The following MAN1A1 variants were observed in gnomAD, a reference collection of about 807,000 sequenced individuals.
The protein encoded by MAN1A1 is mannosidase alpha class 1A member 1.
Under a neutral mutation model 70.8 loss-of-function variants are expected in MAN1A1, and 29 were observed. The observed-to-expected ratio is 0.41, with a 90% CI of 0.31 to 0.56. The LOEUF (loss-of-function observed/expected upper bound fraction) is 0.56, where lower values mean the gene tolerates loss of function less well. Among genes scored for constraint, MAN1A1 ranks in the 20% least tolerant of loss-of-function variants. MAN1A1 has a pLI of 0.29. For synonymous variants in MAN1A1, 349 were observed against 330.1 expected (o/e 1.06, Z -0.62); for missense variants, 747 against 841.3 (o/e 0.89, Z 1.39).
intron 4 of MAN1A1, among the ~76,000 whole-genome samples, chr6:119,300,358 C>T (rs1396685696): frequency 2.0e-5 from 3 of 151,792 alleles, no homozygotes; most frequent in Non-Finnish European, 2.9e-5. Context: ...TGGGTTCAAG[C>T]GATCCTCCTG....
At chr6:119,202,896 T>C (rs1400683028) in intron 7 of MAN1A1, among the ~76,000 whole-genome samples, 1 of 152,186 alleles carries the variant, frequency 6.6e-6, no homozygotes, top group East Asian at 1.9e-4. Context: ...AGTGTGATTG[T>C]ATTTGGAGAT....
At chr6:119,330,791 G>T (rs572862513) in intron 2 of MAN1A1, among the ~76,000 whole-genome samples, 1 of 151,956 alleles carries the variant, frequency 6.6e-6, no homozygotes, top group Non-Finnish European at 1.5e-5. Context: ...GCCTGCAACC[G>T]GCTAATTCCC....
intron 2 of MAN1A1, among the ~76,000 whole-genome samples, chr6:119,309,910 T>C (rs1329630451): frequency 6.6e-6 from 1 of 152,212 alleles, no homozygotes; most frequent in Non-Finnish European, 1.5e-5. Context: ...TCAGGGCTCA[T>C]TAATTAGGCC....
rs1391451697 is a variant in MAN1A1 at position 119,206,006 on chromosome 6, A to G, written c.993-1124T>C. On this transcript the variant is annotated intron_variant, in intron 6 of 12. Coordinates refer to ENST00000368468, the MANE Select transcript of MAN1A1 (RefSeq NM_005907.4). Reference sequence around the variant, plus strand: ...TTCTCTGAGCATCTAAAGCTGGGACACACAATCCAGCGTAGTGGGGATGGA... The same window carrying G: ...TTCTCTGAGCATCTAAAGCTGGGACGCACAATCCAGCGTAGTGGGGATGGA... Among the ~76,000 whole-genome samples the G allele has an allele frequency of 2.6e-5, 4 of 152,234 alleles. No homozygotes were observed. In the East Asian group the frequency reaches 7.7e-4, roughly 29 times the overall value.
intron 5 of MAN1A1, 116 bp downstream of exon 5, chr6:119,290,567 G>C: frequency 1.5e-6 from 1 of 686,538 alleles, no homozygotes; most frequent in Admixed American, 2.9e-5. Flanking sequence ...CAGCTTCATT[G>C]AAATATAAAA....
At chr6:119,327,010 A>G (rs747495732) in intron 2 of MAN1A1, among the ~76,000 whole-genome samples, 3 of 152,160 alleles carry the variant, frequency 2.0e-5, no homozygotes, top group Non-Finnish European at 2.9e-5. Context: ...CCTACCCCAA[A>G]TATTTCCATG....
chr6:119,228,672 C>CT (rs1207577781), intron 6 of MAN1A1, among the ~76,000 whole-genome samples: 1 of 151,054 alleles, frequency 6.6e-6, no homozygotes, highest in Non-Finnish European at 1.5e-5. Flanking sequence ...ATCTGAAGAA[C>CT]TTAAAAAAAC....
intron 5 of MAN1A1, among the ~76,000 whole-genome samples, chr6:119,271,174 T>G (rs1439550844): frequency 2.0e-5 from 3 of 152,198 alleles, no homozygotes; most frequent in Non-Finnish European, 4.4e-5. Context: ...GTTAAGAAGT[T>G]TTGAGTTACA....
At chr6:119,199,729 C>A (rs1178575150) in intron 8 of MAN1A1, among the ~76,000 whole-genome samples, 3 of 147,950 alleles carry the variant, frequency 2.0e-5, no homozygotes, top group Admixed American at 6.8e-5. Context: ...AAATATGAGA[C>A]CTTCTCTCTA....
chr6:119,212,626 T>C lies in MAN1A1; in HGVS notation c.993-7744A>G, dbSNP rs561849839. On this transcript the variant is annotated intron_variant, in intron 6 of 12. Coordinates refer to ENST00000368468, the MANE Select transcript of MAN1A1 (RefSeq NM_005907.4). ...GGGTCTCAATTGCAACTCAATTAAA[T>C]TTTGTTCTGGCAGCTGAGTAGAGGA... Among the ~76,000 whole-genome samples, 7 of 152,324 alleles carry C rather than the reference T, an allele frequency of 4.6e-5. No homozygotes were observed. In the South Asian group the frequency reaches 1.2e-3, roughly 27 times the overall value.
At position 119,257,377 on chromosome 6, in the gene MAN1A1, C is replaced by T. The variant is rs75153476; in HGVS notation, c.898-9023G>A. 6.0e-3 allele frequency among the ~76,000 whole-genome samples: 914 copies of T among 152,158 alleles called. 30 individuals carry two copies. In the East Asian group the frequency reaches 0.091, roughly 15 times the overall value. ...AGGAAGTCCTAACACTACTTTAGTG[C>T]CTCCCATTTATGGTAAGTGGAGAGA... On this transcript the variant is annotated intron_variant, in intron 5 of 12. Coordinates refer to ENST00000368468, the MANE Select transcript of MAN1A1 (RefSeq NM_005907.4).
chr6:119,349,532 G>A lies in MAN1A1; in HGVS notation c.-223+10C>T. ...GCAGCGCGCGAGCACCTCGGGGAGG[G>A]GCAGCGCACCTCTGGGCAGGAGGGG... On this transcript the variant is annotated intron_variant, in intron 1 of 12. Transcript: ENST00000368468. 1 of 985,726 alleles carries A rather than the reference G, an allele frequency of 1.0e-6. No homozygotes were observed. The highest frequency in any genetic ancestry group is 1.2e-6 in the Non-Finnish European group (1 of 829,818). The allele number at this position is 985,726 out of a possible 1,614,324, so 61.1% of individuals were successfully genotyped here.
intron 5 of MAN1A1, among the ~76,000 whole-genome samples, chr6:119,284,590 G>C (rs1023735136): frequency 6.6e-6 from 1 of 151,760 alleles, no homozygotes; most frequent in Admixed American, 6.6e-5. Context: ...CTGAAATATA[G>C]ACTTAACCAC....
At chr6:119,304,186 C>CA (rs1309010821) in intron 3 of MAN1A1, among the ~76,000 whole-genome samples, 1 of 152,016 alleles carries the variant, frequency 6.6e-6, no homozygotes, top group Non-Finnish European at 1.5e-5. Flanking sequence ...ACTTGATTTT[C>CA]AAAAAAGATA....
At chr6:119,326,085 G>A (rs914364443) in intron 2 of MAN1A1, among the ~76,000 whole-genome samples, 3 of 152,232 alleles carry the variant, frequency 2.0e-5, no homozygotes, top group Non-Finnish European at 4.4e-5. Context: ...ATGAATGGCA[G>A]ATAGCTGAAA....
At position 119,349,476 on chromosome 6, in the gene MAN1A1, G is replaced by A. The variant is rs976193332; in HGVS notation, c.-223+66C>T. ...GAAGTTATCAGGTCCCGTGGGTAGG[G>A]GAGGGGTGTCCCGCGCAGGAAGGGG... On this transcript the variant is annotated intron_variant, in intron 1 of 12. Coordinates refer to ENST00000368468, the MANE Select transcript of MAN1A1 (RefSeq NM_005907.4). The A allele has an allele frequency of 5.2e-6, 5 of 955,624 alleles. No homozygotes were observed. In the African/African-American group the frequency reaches 7.0e-5, roughly 13 times the overall value. The allele number at this position is 955,624 out of a possible 1,614,324, so 59.2% of individuals were successfully genotyped here.
intron 2 of MAN1A1, among the ~76,000 whole-genome samples, chr6:119,335,283 T>C (rs1773423545): frequency 6.6e-6 from 1 of 152,212 alleles, no homozygotes; most frequent in Non-Finnish European, 1.5e-5. Flanking sequence ...GTACATACTA[T>C]GTATTGAATA....
intron 5 of MAN1A1, among the ~76,000 whole-genome samples, chr6:119,284,423 T>C (rs1562225324): frequency 6.6e-6 from 1 of 152,198 alleles, no homozygotes. Context: ...GTGAAAAACA[T>C]GGTTCTTACT....
intron 2 of MAN1A1, among the ~76,000 whole-genome samples, chr6:119,341,677 T>C (rs776418615): frequency 1.3e-5 from 2 of 152,250 alleles, no homozygotes; most frequent in Admixed American, 6.5e-5. Flanking sequence ...GCTCTGATTA[T>C]AGAATTTATC....
Sources: gnomAD v4.1 joint callset for allele counts (sites outside exome capture counted in the v4.1 genomes callset) on GRCh38, gnomAD v4.1.1 for gene constraint, MANE v1.5 for transcripts, NCBI Gene and HGNC (gene_info 2026-07-23, HGNC 2026-07-21) for gene names.